AHI1: variants seen among roughly 807,000 people sequenced by gnomAD.
The protein encoded by AHI1 is jouberin.
AHI1 carries 123 observed loss-of-function variants against 149.3 expected under a neutral mutation model. The observed-to-expected ratio is 0.82, with a 90% CI of 0.71 to 0.96. The LOEUF is 0.96. AHI1 is among the 40% of genes least tolerant of loss of function. AHI1 has a pLI of 0.00. For synonymous variants in AHI1, 475 were observed against 459.8 expected, an observed-to-expected ratio of 1.03 and a Z score of -0.42; for missense variants, 1,439 against 1,422.7, an observed-to-expected ratio of 1.01 and a Z score of -0.18.
At chr6:135,349,730 G>A (rs367983029) in intron 24 of AHI1, among the ~76,000 whole-genome samples, 1 of 152,296 alleles carries the variant, frequency 6.6e-6, no homozygotes, top group South Asian at 2.1e-4. Context: ...TCATTTTTCT[G>A]CTCTAATATA....
intron 24 of AHI1, among the ~76,000 whole-genome samples, chr6:135,349,308 G>T (rs1406553011): frequency 1.3e-5 from 2 of 152,176 alleles, no homozygotes; most frequent in Non-Finnish European, 2.9e-5. Flanking sequence ...AAAAAATAGT[G>T]AGAATTTATG....
chr6:135,410,795 G>T (rs1262052132), intron 21 of AHI1, among the ~76,000 whole-genome samples: 1 of 152,100 alleles, frequency 6.6e-6, no homozygotes, highest in Non-Finnish European at 1.5e-5. Context: ...TAAATATTCT[G>T]TTTCTTATAG....
chr6:135,401,022 G>A (rs1779957140), intron 22 of AHI1, among the ~76,000 whole-genome samples: 1 of 152,134 alleles, frequency 6.6e-6, no homozygotes, highest in Non-Finnish European at 1.5e-5. Context: ...GTTGAGACCT[G>A]TCTCAGATAC....
chr6:135,445,741 T>A (rs1331736750), intron 13 of AHI1, among the ~76,000 whole-genome samples: 1 of 151,948 alleles, frequency 6.6e-6, no homozygotes, highest in Non-Finnish European at 1.5e-5. Context: ...CCCACCTAAT[T>A]AAAAAAATTT....
chr6:135,364,242 A>G (rs997660096), intron 23 of AHI1, among the ~76,000 whole-genome samples: 4 of 149,768 alleles, frequency 2.7e-5, no homozygotes, highest in Non-Finnish European at 5.9e-5. Flanking sequence ...GACGCTCCTC[A>G]CATCCTGGAC....
chr6:135,480,852 G>A (rs912835355), intron 5 of AHI1, among the ~76,000 whole-genome samples: 1 of 152,204 alleles, frequency 6.6e-6, no homozygotes, highest in African/African-American at 2.4e-5. Context: ...AGCAGCATTA[G>A]ATTCTCATAG....
At chr6:135,334,532 C>T (rs1789078201) in intron 24 of AHI1, among the ~76,000 whole-genome samples, 2 of 152,174 alleles carry the variant, frequency 1.3e-5, no homozygotes, top group Non-Finnish European at 2.9e-5. Flanking sequence ...CAGACTAAGA[C>T]AATTGGTATG....
chr6:135,319,461 CGA>C lies in AHI1; in HGVS notation c.3329-847_3329-846del, dbSNP rs1786478089. Among the ~76,000 whole-genome samples the C allele has an allele frequency of 2.0e-5, 3 of 151,914 alleles. No individual in the cohort carries two copies. In the South Asian group the frequency reaches 6.2e-4, roughly 32 times the overall value. ...CTGCACTCCAGCCTGGGAGACAGGGCGAGACTCTGTCTCAAAAAAAAGGAAAT... is the reference window on the plus strand; with the variant it reads ...CTGCACTCCAGCCTGGGAGACAGGGCGACTCTGTCTCAAAAAAAAGGAAAT... On this transcript the variant is annotated intron_variant, in intron 25 of 28. Transcript: ENST00000265602.
chr6:135,337,015 G>A (rs1045387183), intron 24 of AHI1, among the ~76,000 whole-genome samples: 7 of 152,064 alleles, frequency 4.6e-5, no homozygotes, highest in Non-Finnish European at 1.0e-4. Context: ...ACACAGTTTA[G>A]CAGAATAGAG....
At position 135,457,585 on chromosome 6, in the gene AHI1, T is replaced by A; in HGVS notation, c.1060A>T (p.Arg354Ter). 1 of 1,614,000 alleles carries A rather than the reference T, an allele frequency of 6.2e-7. No individual in the cohort carries two copies. Among genetic ancestry groups the A allele is most frequent in the Non-Finnish European group, 8.5e-7 (1 of 1,179,872 alleles). ...VLGVYIHRTD[R>*]LKSDFMISHP... ...GAAATCATAAAATCTGACTTAAGTC[T>A]ATCAGTTCGGTGAATGTAAACTCCC... Residue 354 changes from arginine to a stop codon, truncating the protein, a stop_gained, in exon 9 of 29, where the codon AGA becomes TGA. Transcript: ENST00000265602. LOFTEE classifies it high-confidence loss of function.
At chr6:135,362,251 CAT>C (rs758013050) in intron 23 of AHI1, among the ~76,000 whole-genome samples, 16 of 152,238 alleles carry the variant, frequency 1.1e-4, no homozygotes, top group South Asian at 4.1e-4. Context: ...TATATATAAA[CAT>C]GTGTGTGCAA....
intron 23 of AHI1, among the ~76,000 whole-genome samples, chr6:135,373,948 C>T (rs977113237): frequency 5.3e-5 from 8 of 151,756 alleles, no homozygotes; most frequent in Middle Eastern, 3.4e-3. Flanking sequence ...TGGCAATCCC[C>T]GGGGATCTTT....
chr6:135,387,422 T>G (rs1228904945), intron 23 of AHI1, among the ~76,000 whole-genome samples: 2 of 152,216 alleles, frequency 1.3e-5, no homozygotes, highest in Non-Finnish European at 2.9e-5. Flanking sequence ...ATTACACAGA[T>G]GAGAGAATAC....
intron 15 of AHI1, among the ~76,000 whole-genome samples, chr6:135,433,702 T>C (rs1330519247): frequency 6.6e-6 from 1 of 152,022 alleles, no homozygotes; most frequent in Admixed American, 6.5e-5. Flanking sequence ...TAGAATAGTC[T>C]ATTAACTTTT....
At chr6:135,356,474 T>C (rs559407728) in intron 24 of AHI1, among the ~76,000 whole-genome samples, 1 of 152,116 alleles carries the variant, frequency 6.6e-6, no homozygotes, top group Non-Finnish European at 1.5e-5. Flanking sequence ...TTAGAGGTTA[T>C]GGAGAAAGGG....
At chr6:135,288,996 G>C (rs1782017829) in intron 28 of AHI1, among the ~76,000 whole-genome samples, 1 of 151,654 alleles carries the variant, frequency 6.6e-6, no homozygotes. Flanking sequence ...ATTTTGAAAG[G>C]GTAAAATACC....
chr6:135,414,449 T>C (rs1444965244), intron 20 of AHI1, among the ~76,000 whole-genome samples: 1 of 152,170 alleles, frequency 6.6e-6, no homozygotes, highest in Non-Finnish European at 1.5e-5. Flanking sequence ...TTGAACTTCA[T>C]CAAAATCTCA....
Position 135,453,354 on chromosome 6 carries a change from C to G in AHI1, c.1427G>C (p.Trp476Ser), listed in dbSNP as rs1453507631. 3.8e-6 allele frequency: 6 copies of G among 1,560,056 alleles called. No individual in the cohort carries two copies. Among genetic ancestry groups the G allele is most frequent in the Non-Finnish European group, 5.2e-6 (6 of 1,150,654 alleles). ...NQECGFRKIA[W>S]AFLKLLGANG... is the part of the protein sequence containing the mutation. ...TGAAAAACATACCTTAAGAAATGCC[C>G]AGGCAATTTTCCGAAAGCCACATTC... is the stretch of plus-strand genomic sequence containing the variant. The change falls in exon 11 of 29, where the codon TGG becomes TCG. Residue 476 changes from tryptophan (W) to serine (S), a missense_variant. Trp to Ser is a radical substitution (Grantham distance 177). Coordinates refer to ENST00000265602, the MANE Select transcript of AHI1 (RefSeq NM_001134831.2).
intron 21 of AHI1, among the ~76,000 whole-genome samples, chr6:135,405,859 C>CAAAAAA (rs543403253): frequency 4.1e-4 from 12 of 29,182 alleles, no homozygotes; most frequent in Admixed American, 9.9e-4. Context: ...GACTCCAACT[C>CAAAAAA]AAAAAAAAAA....
Sources: allele counts gnomAD v4.1 joint callset (sites outside exome capture counted in the v4.1 genomes callset), GRCh38; gene constraint gnomAD v4.1.1; transcripts MANE v1.5; gene names NCBI Gene and HGNC (gene_info 2026-07-23, HGNC 2026-07-21).